The following SPAG11A variants were observed in gnomAD, a reference collection of about 807,000 sequenced individuals.
SPAG11A encodes the protein sperm-associated antigen 11A.
A neutral mutation model predicts 5.5 loss-of-function variants in SPAG11A; 2 were observed. The observed-to-expected ratio is 0.37, with a 90% CI of 0.15 to 1.15. The LOEUF (loss-of-function observed/expected upper bound fraction) is 1.15. SPAG11A is among the 50% of genes most tolerant of loss of function. The pLI is 0.38. For synonymous variants in SPAG11A, 11 were observed against 42.7 expected (o/e 0.26, Z 2.90); for missense variants, 24 against 122.5 (o/e 0.20, Z 3.80).
At chr8:7,852,622 C>T (rs1400907343) in intron 2 of SPAG11A, among the ~76,000 whole-genome samples, 46 of 135,408 alleles carry the variant, frequency 3.4e-4, no homozygotes, top group African/African-American at 7.3e-4. Flanking sequence ...CGTGAGCCAC[C>T]GCGCCCGGCC....
intron 2 of SPAG11A, among the ~76,000 whole-genome samples, chr8:7,852,032 C>T (rs1817938796): frequency 8.0e-6 from 1 of 124,696 alleles, no homozygotes; most frequent in African/African-American, 3.0e-5. Flanking sequence ...CTCAGCTCTT[C>T]CCACCTGTTT....
chr8:7,852,876 A>G (rs959812153), intron 2 of SPAG11A, among the ~76,000 whole-genome samples: 1 of 62,270 alleles, frequency 1.6e-5, no homozygotes, highest in African/African-American at 4.3e-5. Flanking sequence ...TTTTTTTACT[A>G]TTTTTGGATT....
At position 7,860,467 on chromosome 8, in the gene SPAG11A, T is replaced by G. The variant is rs533483341; in HGVS notation, c.215-179T>G. On this transcript the variant is annotated intron_variant, in intron 2 of 2. Transcript: ENST00000642566. ...ACCCTATCATCCTCCTGGCAACATT[T>G]CAGATATAAATTATCGTTCCTGTTT... 44 of 1,415,976 alleles carry G rather than the reference T, an allele frequency of 3.1e-5. 3 individuals carry two copies. The African/African-American group carries it at 5.4e-4, about 17-fold the overall frequency. The allele number at this position is 1,415,976 out of a possible 1,614,324, so 87.7% of individuals were successfully genotyped here.
chr8:7,852,703 A>G (rs1462824198), intron 2 of SPAG11A, among the ~76,000 whole-genome samples: 2 of 149,312 alleles, frequency 1.3e-5, no homozygotes, highest in Admixed American at 1.3e-4. Context: ...TCTTTCCTCC[A>G]TCAATTATCT....
At chr8:7,852,854 C>CTTTT (rs1274865147) in intron 2 of SPAG11A, among the ~76,000 whole-genome samples, 2 of 51,932 alleles carry the variant, frequency 3.9e-5, no homozygotes, top group African/African-American at 8.8e-5. Context: ...TAGAGCCCTT[C>CTTTT]TATTTTTTTT....
At chr8:7,858,707 T>C (rs373906430) in intron 2 of SPAG11A, among the ~76,000 whole-genome samples, 3,030 of 34,054 alleles carry the variant, frequency 0.089, 76 homozygotes, top group South Asian at 0.19. Flanking sequence ...CACTATTTGG[T>C]TGCATTCTCT....
chr8:7,862,723 C>T (rs1818253185), downstream of SPAG11A, among the ~76,000 whole-genome samples: 1 of 114,506 alleles, frequency 8.7e-6, no homozygotes. Flanking sequence ...GCTGAGGCTT[C>T]CGGGAAGCAA....
chr8:7,860,500 A>T, intron 2 of SPAG11A, 146 bp from the exon 3 acceptor site: 5 of 1,360,680 alleles, frequency 3.7e-6, no homozygotes, highest in Non-Finnish European at 3.9e-6. Flanking sequence ...TTTTAAAGCT[A>T]AGAGGCCAAA....
At position 7,852,613 on chromosome 8, in the gene SPAG11A, G is replaced by A. The variant is rs1174794913; in HGVS notation, c.214+3770G>A. On this transcript the variant is annotated intron_variant, in intron 2 of 2. Coordinates refer to ENST00000642566, the Ensembl canonical transcript of SPAG11A. ...CTCCCGAAGTGCTGGAATTACAGGC[G>A]TGAGCCACCGCGCCCGGCCAGGTTA... Among the ~76,000 whole-genome samples the A allele has an allele frequency of 1.5e-4, 23 of 152,248 alleles. No individual in the cohort carries two copies. In the East Asian group the frequency reaches 2.5e-3, roughly 17 times the overall value.
chr8:7,859,755 A>T (rs1472807886), intron 2 of SPAG11A, among the ~76,000 whole-genome samples: 1 of 95,022 alleles, frequency 1.1e-5, no homozygotes, highest in African/African-American at 3.2e-5. Flanking sequence ...ACAGATGGGC[A>T]AGCTGAAGTG....
intron 2 of SPAG11A, among the ~76,000 whole-genome samples, chr8:7,852,524 G>A (rs1392113165): frequency 6.6e-6 from 1 of 152,138 alleles, no homozygotes; most frequent in Non-Finnish European, 1.5e-5. Context: ...GTAGAGACGG[G>A]GTTTCTCCAT....
intron 2 of SPAG11A, among the ~76,000 whole-genome samples, chr8:7,856,651 TCTA>T (rs1349353784): frequency 4.0e-5 from 3 of 74,082 alleles, no homozygotes; most frequent in African/African-American, 1.4e-4. Context: ...AAACATTTTT[TCTA>T]CTATCAAATG....
downstream of SPAG11A, among the ~76,000 whole-genome samples, chr8:7,861,684 GAGAT>G (rs565977642): frequency 2.9e-3 from 375 of 130,356 alleles, 5 homozygotes; most frequent in African/African-American, 9.4e-3. Context: ...AACATGCTGA[GAGAT>G]AGAGACCACA....
chr8:7,852,481 C>G (rs1817963991), intron 2 of SPAG11A, among the ~76,000 whole-genome samples: 1 of 152,114 alleles, frequency 6.6e-6, no homozygotes, highest in African/African-American at 2.4e-5. Context: ...TTACAGGTGT[C>G]CACCACCATG....
At chr8:7,857,712 C>T (rs1402895010) in intron 2 of SPAG11A, among the ~76,000 whole-genome samples, 1 of 89,074 alleles carries the variant, frequency 1.1e-5, no homozygotes, top group African/African-American at 3.0e-5. Context: ...TTGCAAGGTA[C>T]AGAAAGGTCT....
intron 2 of SPAG11A, chr8:7,860,350 A>G: frequency 7.0e-7 from 1 of 1,429,578 alleles, no homozygotes. Context: ...CTTCTAGTGC[A>G]CATCTCTCAC....
chr8:7,860,995 C>T, downstream of SPAG11A: 6 of 640,508 alleles, frequency 9.4e-6, no homozygotes, highest in Non-Finnish European at 1.3e-5. Context: ...TCTCCATGTA[C>T]TGCCTTTTCA....
chr8:7,860,482 C>T (rs868235337), intron 2 of SPAG11A, 164 bp from the exon 3 acceptor site: 21 of 1,394,718 alleles, frequency 1.5e-5, no homozygotes, highest in South Asian at 1.5e-4. Context: ...TATAAATTAT[C>T]GTTCCTGTTT....
chr8:7,858,566 A>T (rs1217217993), intron 2 of SPAG11A, among the ~76,000 whole-genome samples: 3 of 93,368 alleles, frequency 3.2e-5, no homozygotes, highest in African/African-American at 8.8e-5. Context: ...ATAATGTGGT[A>T]CGTTGTCTCT....
Sources: gnomAD v4.1 joint callset for allele counts (sites outside exome capture counted in the v4.1 genomes callset) on GRCh38, gnomAD v4.1.1 for gene constraint, MANE v1.5 for transcripts, NCBI Gene and HGNC (gene_info 2026-07-23, HGNC 2026-07-21) for gene names.